The following TCF4 variants were observed in gnomAD, a reference collection of about 807,000 sequenced individuals.
TCF4 encodes SL3-3 enhancer factor 2.
TCF4 carries 3 observed loss-of-function variants against 82.1 expected under a neutral mutation model. That is an observed-to-expected ratio of 0.04 (90% CI 0.02 to 0.09). The LOEUF (loss-of-function observed/expected upper bound fraction) is 0.09, where lower values mean the gene tolerates loss of function less well. Ranked by LOEUF, TCF4 falls within the 10% of genes least tolerant of loss-of-function variation. The pLI, the probability that TCF4 is intolerant of heterozygous loss-of-function variation, is 1.00. For synonymous variants in TCF4, 276 were observed against 309.6 expected (o/e 0.89, Z 1.14); for missense variants, 518 against 852.7 (o/e 0.61, Z 4.89).
At chr18:55,475,148 T>C (rs1056039918) in intron 3 of TCF4, among the ~76,000 whole-genome samples, 1 of 152,340 alleles carries the variant, frequency 6.6e-6, no homozygotes, top group Non-Finnish European at 1.5e-5. Context: ...CCCTCTCCGG[T>C]AGAAGACAAA....
intron 8 of TCF4, among the ~76,000 whole-genome samples, chr18:55,304,900 C>A (rs1027992194): frequency 6.6e-6 from 1 of 152,090 alleles, no homozygotes; most frequent in African/African-American, 2.4e-5. Context: ...AGAAGAGGAT[C>A]AACTTTGTTT....
At chr18:55,287,828 A>G (rs149530378) in intron 8 of TCF4, among the ~76,000 whole-genome samples, 196 of 152,314 alleles carry the variant, frequency 1.3e-3, no homozygotes, top group African/African-American at 4.6e-3. Flanking sequence ...TCAAAAGTCA[A>G]CAATATCCTC....
At chr18:55,569,821 T>TTGA in intron 3 of TCF4, among the ~76,000 whole-genome samples, 1 of 152,118 alleles carries the variant, frequency 6.6e-6, no homozygotes, top group Non-Finnish European at 1.5e-5. Flanking sequence ...TGCATAATAA[T>TTGA]TCTCCCAAAA....
chr18:55,505,667 A>G (rs1323526360), intron 3 of TCF4, among the ~76,000 whole-genome samples: 6 of 150,964 alleles, frequency 4.0e-5, no homozygotes, highest in Admixed American at 2.0e-4. Context: ...AGCCGGGCGT[A>G]GTGGCGGGCG....
At chr18:55,275,805 T>A (rs750625963) in intron 9 of TCF4, 53 bp from the exon 10 acceptor site, 15 of 1,611,990 alleles carry the variant, frequency 9.3e-6, no homozygotes, top group Admixed American at 3.3e-5. Flanking sequence ...CCTTGCCTTA[T>A]AGAATAGGGT....
chr18:55,260,023 T>C lies in TCF4; in HGVS notation c.995A>G (p.Tyr332Cys), dbSNP rs1568510320. 1.2e-6 allele frequency: 2 copies of C among 1,610,368 alleles called. No homozygotes were observed. The highest frequency in any genetic ancestry group is 8.5e-7 in the Non-Finnish European group (1 of 1,177,060). ...GCTGTTGTTAGTGTGATCTGGAGAA[T>C]AGATCTTAAAACAATAAGGAGAAAA... is the stretch of plus-strand genomic sequence containing the variant. ...DALGKALASI[Y>C]SPDHTNNSFS... Residue 332 changes from tyrosine (Y) to cysteine (C), a missense_variant, in exon 13 of 20, where the codon TAT (tyrosine) becomes TGT (cysteine). Physicochemically the swap from Tyr to Cys is radical, Grantham distance 194. Transcript: ENST00000354452.
chr18:55,279,238 A>G (rs1457443222), intron 9 of TCF4, among the ~76,000 whole-genome samples: 1 of 152,212 alleles, frequency 6.6e-6, no homozygotes, highest in Non-Finnish European at 1.5e-5. Context: ...AAACAGCTAC[A>G]TCGTCTTGGG....
intron 3 of TCF4, among the ~76,000 whole-genome samples, chr18:55,522,779 T>A (rs2146531034): frequency 6.6e-6 from 1 of 152,224 alleles, no homozygotes; most frequent in East Asian, 1.9e-4. Context: ...CATGTATTAT[T>A]TTGTGGGAGT....
intron 5 of TCF4, among the ~76,000 whole-genome samples, chr18:55,441,129 C>G (rs760476412): frequency 1.3e-5 from 2 of 152,220 alleles, no homozygotes. Flanking sequence ...TGACCAAATC[C>G]AGTGCAACAA....
chr18:55,412,332 C>T (rs973826697), intron 5 of TCF4, among the ~76,000 whole-genome samples: 3 of 151,250 alleles, frequency 2.0e-5, no homozygotes, highest in Non-Finnish European at 4.4e-5. Flanking sequence ...ATGTGCTCAT[C>T]TCCAATAATG....
chr18:55,244,791 A>AAAG (rs1269260660), intron 15 of TCF4, among the ~76,000 whole-genome samples: 2 of 152,212 alleles, frequency 1.3e-5, no homozygotes, highest in African/African-American at 4.8e-5. Flanking sequence ...CAGAAACATT[A>AAAG]CCCAGAGACT....
At chr18:55,539,101 C>T (rs1374227551) in intron 3 of TCF4, among the ~76,000 whole-genome samples, 1 of 151,680 alleles carries the variant, frequency 6.6e-6, no homozygotes, top group African/African-American at 2.4e-5. Context: ...AATACATACC[C>T]AAACTCAAAA....
chr18:55,275,635 T>C lies in TCF4; in HGVS notation c.773A>G (p.His258Arg). The change falls in exon 10 of 20, where the codon CAT becomes CGT. Residue 258 changes from histidine to arginine, a missense_variant. This residue lies in a region of TCF4 where 211 missense variants were observed against 327.4 expected (regional missense o/e 0.64). Transcript: ENST00000354452. ...IPQSSSYCSLHPHERLSYPSH... is the reference protein window; with the variant it reads ...IPQSSSYCSLRPHERLSYPSH... ...CTGCCTTACCAAACGTTCATGTGGA[T>C]GCAGGCTACAGTAGCTGCTGGACTG... 1 of 1,613,852 alleles carries C rather than the reference T, an allele frequency of 6.2e-7. No homozygotes were observed. The highest frequency in any genetic ancestry group is 8.5e-7 in the Non-Finnish European group (1 of 1,179,784).
rs377334964 is a variant in TCF4 at position 55,451,718 on chromosome 18, A to C, written c.304+9301T>G. On this transcript the variant is annotated intron_variant, in intron 5 of 19. Transcript: ENST00000354452. ...GAGTAATGAGAGGTTTGAGAAACAC[A>C]AAGTGTTTAATCGCAACCCCGCCAC... Among the ~76,000 whole-genome samples the C allele has an allele frequency of 2.0e-5, 3 of 152,332 alleles. No homozygotes were observed. The South Asian group carries it at 6.2e-4, about 32-fold the overall frequency.
Position 55,359,626 on chromosome 18 carries a change from T to C in TCF4, c.370-8623A>G, listed in dbSNP as rs562396108. ...ATATGCCTTCTCCATCTCTACCCAG[T>C]AGACACGTAATTCCTCCATCTCTAT... On this transcript the variant is annotated intron_variant, in intron 6 of 19. Transcript: ENST00000354452. Among the ~76,000 whole-genome samples the C allele has an allele frequency of 1.8e-4, 27 of 152,330 alleles. No individual in the cohort carries two copies. In the South Asian group the frequency reaches 3.7e-3, roughly 21 times the overall value.
intron 8 of TCF4, among the ~76,000 whole-genome samples, chr18:55,292,122 A>G (rs1167960489): frequency 6.6e-6 from 1 of 152,190 alleles, no homozygotes; most frequent in African/African-American, 2.4e-5. Context: ...CTTTCTCTAA[A>G]TATTTAAATT....
chr18:55,521,225 G>A (rs773353987), intron 3 of TCF4, among the ~76,000 whole-genome samples: 37 of 152,118 alleles, frequency 2.4e-4, no homozygotes, highest in Non-Finnish European at 4.4e-4. Context: ...ATGACAAATC[G>A]GATTCAAGTA....
At chr18:55,571,608 T>C (rs1235106026) in intron 3 of TCF4, among the ~76,000 whole-genome samples, 2 of 152,168 alleles carry the variant, frequency 1.3e-5, no homozygotes, top group Admixed American at 1.3e-4. Context: ...TGTTTTCTAA[T>C]ATTTGCTTGG....
chr18:55,393,661 C>T (rs1040098429), intron 6 of TCF4, among the ~76,000 whole-genome samples: 3 of 152,056 alleles, frequency 2.0e-5, no homozygotes, highest in East Asian at 1.9e-4. Context: ...AAAATGTTTG[C>T]TTCATGCAAT....
Sources: allele counts gnomAD v4.1 joint callset (sites outside exome capture counted in the v4.1 genomes callset), GRCh38; gene constraint gnomAD v4.1.1; regional missense constraint gnomAD v4.1.1; transcripts MANE v1.5; gene names NCBI Gene and HGNC (gene_info 2026-07-23, HGNC 2026-07-21).